Variants in SEC61A2 observed in about 807,000 individuals in gnomAD.
SEC61A2 encodes the protein SEC61 translocon subunit alpha 2.
SEC61A2 carries 28 observed loss-of-function variants against 59.9 expected under a neutral mutation model. The ratio of observed to expected loss-of-function variants is 0.47; its 90% CI spans 0.35 to 0.64. The LOEUF (loss-of-function observed/expected upper bound fraction) is 0.64. Among genes scored for constraint, SEC61A2 ranks in the 30% least tolerant of loss-of-function variants. The probability of loss-of-function intolerance (pLI) is 0.01; values close to 1 mark genes in which losing one functional copy is unlikely to be tolerated. For missense variants in SEC61A2, 340 were observed against 585.9 expected (o/e 0.58, Z 4.33); for synonymous variants, 202 against 214.4 (o/e 0.94, Z 0.50).
At chr10:12,169,513 A>C, downstream of SEC61A2, 1 of 533,120 alleles carries the variant, frequency 1.9e-6, no homozygotes, top group Non-Finnish European at 3.3e-6. This position sits in a 1 kb window ranked among gnomAD's most constrained non-coding sequence, Gnocchi z 4.8. Context: ...TGTGACTCCG[A>C]GCTGCGCTGC....
chr10:12,139,508 G>T (rs1028107238), intron 3 of SEC61A2, among the ~76,000 whole-genome samples: 1 of 151,878 alleles, frequency 6.6e-6, no homozygotes, highest in African/African-American at 2.4e-5. Context: ...AATTGAGCTG[G>T]GCGCGGTAGC....
At chr10:12,163,275 C>T (rs1418106145) in intron 11 of SEC61A2, among the ~76,000 whole-genome samples, 3 of 146,708 alleles carry the variant, frequency 2.0e-5, no homozygotes, top group Non-Finnish European at 4.5e-5. Flanking sequence ...TCCAGAGTAG[C>T]TTGGGACCAC....
rs1834337157 is a variant in SEC61A2, at chr10:12,153,801, C to T, written c.463-1977C>T. 6.2e-7 allele frequency: 1 copy of T among 1,603,080 alleles called. No homozygotes were observed. The highest frequency in any genetic ancestry group is 8.5e-7 in the Non-Finnish European group (1 of 1,176,034). On this transcript the variant is annotated intron_variant, in intron 6 of 11. Coordinates refer to ENST00000298428, the MANE Select transcript of SEC61A2 (RefSeq NM_018144.4). The surrounding 1 kb of genome is among the most constrained non-coding windows in gnomAD (Gnocchi z 5.2). ...GCTATGATTGGATCAGTGTGTTTCACCCAGAAACATAGGTTTTGAAAACTG... is the reference window on the plus strand; with the variant it reads ...GCTATGATTGGATCAGTGTGTTTCATCCAGAAACATAGGTTTTGAAAACTG...
At chr10:12,133,345 AAGGGCTTGTTCT>A in intron 2 of SEC61A2, 37 bp downstream of exon 2, 1 of 1,074,914 alleles carries the variant, frequency 9.3e-7, no homozygotes, top group Non-Finnish European at 1.4e-6. Context: ...AGGGTAGCTC[AAGGGCTTGTTCT>A]ATGAAACCAG....
In SEC61A2 at chr10:12,143,163, A is replaced by T; in HGVS notation, c.188A>T (p.Tyr63Phe). Residue 63 changes from tyrosine (Y) to phenylalanine (F), a missense_variant, in exon 4 of 12, where the codon TAC becomes TTC. Tyr to Phe is a conservative substitution (Grantham distance 22). Transcript: ENST00000298428. The surrounding 1 kb of genome is among the most constrained non-coding windows in gnomAD (Gnocchi z 4.8). ...IMSSDSADPFYWMRVILASNR... is the reference protein window; with the variant it reads ...IMSSDSADPFFWMRVILASNR... ...TCATCAGATTCTGCAGATCCTTTCT[A>T]CTGGATGAGAGTTATTCTGGCTTCC... The T allele has an allele frequency of 6.2e-7, 1 of 1,613,330 alleles. No individual in the cohort carries two copies. Among genetic ancestry groups the T allele is most frequent in the Non-Finnish European group, 8.5e-7 (1 of 1,179,292 alleles).
downstream of SEC61A2, chr10:12,169,618 G>A (rs562132877): frequency 1.2e-4 from 32 of 278,098 alleles, no homozygotes; most frequent in African/African-American, 5.5e-4. This position sits in a 1 kb window ranked among gnomAD's most constrained non-coding sequence, Gnocchi z 4.8. Context: ...TTGAGCTGTC[G>A]AGGTGGCTTC....
chr10:12,162,146 A>C lies in SEC61A2; in HGVS notation c.1168-67A>C. On this transcript the variant is annotated intron_variant, in intron 10 of 11. Transcript: ENST00000298428. This position sits in a 1 kb window ranked among gnomAD's most constrained non-coding sequence, Gnocchi z 6.1. Reference sequence around the variant, plus strand: ...TTAGTGTGTGGCGAGCACTTCGCATAGAACGTGGTAGATGTAAGCAGTGAA... The same window carrying C: ...TTAGTGTGTGGCGAGCACTTCGCATCGAACGTGGTAGATGTAAGCAGTGAA... 2 of 1,247,030 alleles carry C rather than the reference A, an allele frequency of 1.6e-6. No homozygotes were observed. Among genetic ancestry groups the C allele is most frequent in the South Asian group, 1.2e-5 (1 of 82,688 alleles). The allele number at this position is 1,247,030 out of a possible 1,614,324, so 77.2% of individuals were successfully genotyped here. A position where few individuals can be genotyped will look rare whatever the true frequency, so the allele number is the denominator to read the frequency against.
intron 6 of SEC61A2, among the ~76,000 whole-genome samples, chr10:12,150,529 C>T (rs1290464996): frequency 1.3e-5 from 2 of 152,162 alleles, no homozygotes; most frequent in African/African-American, 2.4e-5. Flanking sequence ...AAATATCTAC[C>T]ACTAGGTCTA....
At position 12,160,913 on chromosome 10, in the gene SEC61A2, G is replaced by C. The variant is rs756798897; in HGVS notation, c.976-17G>C. 6.9e-6 allele frequency: 11 copies of C among 1,594,920 alleles called. No homozygotes were observed. In the East Asian group the frequency reaches 2.0e-4, roughly 29 times the overall value. On this transcript the variant is annotated splice_polypyrimidine_tract_variant and intron_variant, in intron 9 of 11. Coordinates refer to ENST00000298428, the MANE Select transcript of SEC61A2 (RefSeq NM_018144.4). The surrounding 1 kb of genome is among the most constrained non-coding windows in gnomAD (Gnocchi z 4.1). ...TAATTAGGTTGACCACTTGTTCTTTGTACTCCTGTTCTGTAGGATGTCAGT... is the reference window on the plus strand; with the variant it reads ...TAATTAGGTTGACCACTTGTTCTTTCTACTCCTGTTCTGTAGGATGTCAGT...
chr10:12,156,053 C>G lies in SEC61A2; in HGVS notation c.616+122C>G, dbSNP rs147045003. On this transcript the variant is annotated intron_variant, in intron 7 of 11. Transcript: ENST00000298428. The surrounding 1 kb of genome is among the most constrained non-coding windows in gnomAD (Gnocchi z 5.2). Reference sequence around the variant, plus strand: ...TTGCTCTCCTAGGGGATAAGGAATGCGAATTCTTCAAAACTTAATGAGCAG... The same window carrying G: ...TTGCTCTCCTAGGGGATAAGGAATGGGAATTCTTCAAAACTTAATGAGCAG... The G allele has an allele frequency of 3.2e-6, 3 of 942,954 alleles. No individual in the cohort carries two copies. Among genetic ancestry groups the G allele is most frequent in the Non-Finnish European group, 3.3e-6 (2 of 614,270 alleles). 58.4% of individuals were successfully genotyped at this position (942,954 alleles called of 1,614,324 possible). A position where few individuals can be genotyped will look rare whatever the true frequency, so the allele number is the denominator to read the frequency against.
At chr10:12,144,057 C>A (rs1359461556) in intron 4 of SEC61A2, among the ~76,000 whole-genome samples, 5 of 152,078 alleles carry the variant, frequency 3.3e-5, no homozygotes, top group African/African-American at 1.2e-4. Flanking sequence ...TCTTGAACTC[C>A]TGGGTTCATG....
Position 12,142,618 on chromosome 10 carries a change from G to A in SEC61A2, c.142-499G>A. ...GAGTGTTTTTTAAATTGTGGTAAAA[G>A]TATAGAAAATATGCCATCTTCATCA... On this transcript the variant is annotated intron_variant, in intron 3 of 11. Transcript: ENST00000298428. This position sits in a 1 kb window ranked among gnomAD's most constrained non-coding sequence, Gnocchi z 5.4. 2 of 578,998 alleles carry A rather than the reference G, an allele frequency of 3.5e-6. No individual in the cohort carries two copies. Among genetic ancestry groups the A allele is most frequent in the Non-Finnish European group, 4.4e-6 (2 of 458,738 alleles). The allele number at this position is 578,998 out of a possible 1,614,324, so 35.9% of individuals were successfully genotyped here.
chr10:12,138,981 A>T (rs1833948105), intron 3 of SEC61A2, among the ~76,000 whole-genome samples: 1 of 137,064 alleles, frequency 7.3e-6, no homozygotes, highest in Non-Finnish European at 1.6e-5. Flanking sequence ...TGTTTGTTTG[A>T]GACGTAGTCT....
In SEC61A2 at chr10:12,149,116, G is replaced by A. The variant is rs1028856272; in HGVS notation, c.221-479G>A. On this transcript the variant is annotated intron_variant, in intron 4 of 11. Coordinates refer to ENST00000298428, the MANE Select transcript of SEC61A2 (RefSeq NM_018144.4). This position sits in a 1 kb window ranked among gnomAD's most constrained non-coding sequence, Gnocchi z 5.2. ...TTTTTTGGTTTGTTTTTGAGATGGAGTCTCACTCTGTTGCCCGGGCTGGAG... is the reference window on the plus strand; with the variant it reads ...TTTTTTGGTTTGTTTTTGAGATGGAATCTCACTCTGTTGCCCGGGCTGGAG... 5.9e-5 allele frequency among the ~76,000 whole-genome samples: 9 copies of A among 151,912 alleles called. No individual in the cohort carries two copies. The highest frequency in any genetic ancestry group is 2.2e-4 in the African/African-American group (9 of 41,336).
At position 12,149,853 on chromosome 10, in the gene SEC61A2, G is replaced by C. The variant is rs1312115362; in HGVS notation, c.354G>C (p.Leu118=). Residue 118 remains leucine, a splice_region_variant and synonymous_variant, in exon 6 of 12, where the codon CTG becomes CTC. Transcript: ENST00000298428. This position sits in a 1 kb window ranked among gnomAD's most constrained non-coding sequence, Gnocchi z 5.2. ...DRALFNGAQK[L]FGMIITIGQA... ...TCCTTTCCCCCCAACTTTCATCAGT[G>C]TTTGGTATGATCATTACCATTGGGC... 1.2e-6 allele frequency: 2 copies of C among 1,613,770 alleles called. No individual in the cohort carries two copies. The highest frequency in any genetic ancestry group is 4.5e-5 in the East Asian group (2 of 44,872).
chr10:12,129,714 G>A lies in SEC61A2; in HGVS notation c.-74G>A. 1 of 1,424,880 alleles carries A rather than the reference G, an allele frequency of 7.0e-7. No homozygotes were observed. The highest frequency in any genetic ancestry group is 9.3e-7 in the Non-Finnish European group (1 of 1,071,266). The allele number at this position is 1,424,880 out of a possible 1,614,324, so 88.3% of individuals were successfully genotyped here. On this transcript the variant is annotated 5_prime_UTR_variant, in exon 1 of 12. Transcript: ENST00000298428. This position sits in a 1 kb window ranked among gnomAD's most constrained non-coding sequence, Gnocchi z 5.6. ...GGATCGCGTCGGGAGCCGGTACCGA[G>A]GCCCGAGCCGCGGGAGTCGAGCGAA...
Position 12,155,916 on chromosome 10 carries a change from A to C in SEC61A2, c.601A>C (p.Ile201Leu). The change falls in exon 7 of 12, where the codon ATT becomes CTT. Residue 201 changes from isoleucine (I) to leucine (L), a missense_variant. This residue lies in a region of SEC61A2 where 283 missense variants were observed against 483.2 expected (regional missense o/e 0.59). Coordinates refer to ENST00000298428, the MANE Select transcript of SEC61A2 (RefSeq NM_018144.4). This position sits in a 1 kb window ranked among gnomAD's most constrained non-coding sequence, Gnocchi z 4.3. ...CTGGAAGGCCTTTAGTCCCACTACC[A>C]TTAACACTGGCAGAGGTACATCGCA... ...IVWKAFSPTTINTGRGTEFEG... is the reference protein window; with the variant it reads ...IVWKAFSPTTLNTGRGTEFEG... 1 of 1,614,212 alleles carries C rather than the reference A, an allele frequency of 6.2e-7. No individual in the cohort carries two copies. The highest frequency in any genetic ancestry group is 1.1e-5 in the South Asian group (1 of 91,080).
In SEC61A2 at chr10:12,164,192, T is replaced by G; in HGVS notation, c.1245-76T>G. ...TAGACCCAGCTATGGCTGCTGCGCC[T>G]CGACCTGTCTTCGTCTCTAGCTGCC... On this transcript the variant is annotated intron_variant, in intron 11 of 11. Transcript: ENST00000298428. The surrounding 1 kb of genome is among the most constrained non-coding windows in gnomAD (Gnocchi z 7.3). 6.5e-7 allele frequency: 1 copy of G among 1,545,108 alleles called. No individual in the cohort carries two copies. Among genetic ancestry groups the G allele is most frequent in the Non-Finnish European group, 8.8e-7 (1 of 1,139,754 alleles).
At chr10:12,134,809 T>C (rs1158099596) in intron 2 of SEC61A2, among the ~76,000 whole-genome samples, 1 of 151,932 alleles carries the variant, frequency 6.6e-6, no homozygotes, top group East Asian at 1.9e-4. Context: ...TCCCAGCTTC[T>C]CGGGAGGCTG....
Sources: gnomAD v4.1 joint callset for allele counts (sites outside exome capture counted in the v4.1 genomes callset) on GRCh38, gnomAD v4.1.1 for gene constraint, gnomAD v4.1.1 regional missense constraint, Gnocchi (gnomAD v3.1) non-coding constraint, MANE v1.5 for transcripts, NCBI Gene and HGNC (gene_info 2026-07-23, HGNC 2026-07-21) for gene names.